Variants in PSMD3 observed in about 807,000 individuals in gnomAD.
PSMD3 encodes 26S proteasome non-ATPase regulatory subunit 3.
A neutral mutation model predicts 62.8 loss-of-function variants in PSMD3; 5 were observed. That is an observed-to-expected ratio of 0.08 (90% CI 0.04 to 0.17). The LOEUF is 0.17. Ranked by LOEUF, PSMD3 falls within the 10% of genes least tolerant of loss-of-function variation. PSMD3 has a pLI of 1.00. For missense variants in PSMD3, 524 were observed against 713.6 expected, an observed-to-expected ratio of 0.73 and a Z score of 3.03; for synonymous variants, 265 against 283.9, an observed-to-expected ratio of 0.93 and a Z score of 0.67.
At chr17:39,990,362 C>G (rs1057445612) in intron 6 of PSMD3, among the ~76,000 whole-genome samples, 165 bp downstream of exon 6, 7 of 152,094 alleles carry the variant, frequency 4.6e-5, no homozygotes, top group African/African-American at 1.7e-4. Context: ...CATGCCTGGC[C>G]CCTTTGCCTG....
Position 39,981,190 on chromosome 17 carries a change from G to A in PSMD3, c.220G>A (p.Asp74Asn), listed in dbSNP as rs1432475361. 6.5e-7 allele frequency: 1 copy of A among 1,550,346 alleles called. No homozygotes were observed. The highest frequency in any genetic ancestry group is 8.7e-7 in the Non-Finnish European group (1 of 1,146,732). ...QRELDTVTLE[D>N]IKEHVKQLEK... ...AGAGCTGGACACAGTCACCTTGGAG[G>A]GTACGGCAGCCCAGGCCGGGAACGT... The change falls in exon 1 of 12, where the codon GAC becomes AAC. Residue 74 changes from aspartate (D) to asparagine (N), a missense_variant and splice_region_variant. Asp to Asn is a conservative substitution (Grantham distance 23, BLOSUM62 1). Transcript: ENST00000264639.
chr17:39,991,796 T>A (rs1980660588), intron 6 of PSMD3, among the ~76,000 whole-genome samples: 1 of 152,030 alleles, frequency 6.6e-6, no homozygotes, highest in Admixed American at 6.6e-5. Context: ...TCCTAGCACT[T>A]TGGGAGGCTG....
chr17:39,984,214 A>G (rs1980464000), intron 1 of PSMD3, 80 bp from the exon 2 acceptor site: 1 of 833,354 alleles, frequency 1.2e-6, no homozygotes, highest in East Asian at 3.3e-5. Flanking sequence ...AAAAAAAAAA[A>G]AAAAAAAAGA....
chr17:39,995,798 G>A lies in PSMD3; in HGVS notation c.1320+271G>A, dbSNP rs533252359. On this transcript the variant is annotated intron_variant, in intron 9 of 11. Transcript: ENST00000264639. The surrounding 1 kb of genome is among the most constrained non-coding windows in gnomAD (Gnocchi z 4.1). ...TATAAGGAGGGCAGAGGAATGGGAT[G>A]GAACAAGATGTTCTCTGACTTAGAA... is the stretch of plus-strand genomic sequence containing the variant. 6 of 520,834 alleles carry A rather than the reference G, an allele frequency of 1.2e-5. No homozygotes were observed. In the East Asian group the frequency reaches 1.8e-4, roughly 15 times the overall value. 32.3% of individuals were successfully genotyped at this position (520,834 alleles called of 1,614,324 possible).
chr17:39,997,167 A>T (rs1980803627), intron 10 of PSMD3, among the ~76,000 whole-genome samples, 163 bp from the exon 11 acceptor site: 1 of 152,110 alleles, frequency 6.6e-6, no homozygotes. Flanking sequence ...AGGGCACTGT[A>T]ATAATTCCTT....
intron 3 of PSMD3, 124 bp downstream of exon 3, chr17:39,986,836 T>C: frequency 1.5e-6 from 2 of 1,305,050 alleles, no homozygotes; most frequent in Non-Finnish European, 2.1e-6. Context: ...CCCCACACTC[T>C]TTCCCCATAG....
At chr17:39,990,040 G>T in intron 5 of PSMD3, 54 bp from the exon 6 acceptor site, 11 of 1,595,994 alleles carry the variant, frequency 6.9e-6, no homozygotes, top group South Asian at 1.1e-5. Context: ...GCTTGTCGGT[G>T]GGGAGTTGGA....
rs376005242 is a variant in PSMD3, at chr17:39,995,560, T to C, written c.1320+33T>C. 9.5e-6 allele frequency: 15 copies of C among 1,576,604 alleles called. No homozygotes were observed. In the African/African-American group the frequency reaches 2.0e-4, roughly 21 times the overall value. On this transcript the variant is annotated intron_variant, in intron 9 of 11. Coordinates refer to ENST00000264639, the MANE Select transcript of PSMD3 (RefSeq NM_002809.4). The surrounding 1 kb of genome is among the most constrained non-coding windows in gnomAD (Gnocchi z 4.1). The stretch of plus-strand genomic sequence containing the variant: ...TGGTTCAGGAACCACAGTGACCAGG[T>C]TGTCACTTTCCTGCCAATCTCAGGA...
rs1410743851 is a variant in PSMD3 at position 39,997,566 on chromosome 17, T to C, written c.1590T>C (p.Asp530=). The C allele has an allele frequency of 1.2e-6, 2 of 1,605,220 alleles. No individual in the cohort carries two copies. The highest frequency in any genetic ancestry group is 1.7e-6 in the Non-Finnish European group (2 of 1,175,296). Residue 530 remains aspartate, a synonymous_variant, in exon 12 of 12, where the codon GAT becomes GAC. Coordinates refer to ENST00000264639, the MANE Select transcript of PSMD3 (RefSeq NM_002809.4). ...CCAAGGAGATGGCAGAAGATGATGA[T>C]GACAGCTTCCCTTGAGCTGGGGGGC... ...EFAKEMAEDD[D]DSFP is the part of the protein sequence containing the mutation.
chr17:39,994,633 C>T (rs775313123), intron 6 of PSMD3: 14 of 348,224 alleles, frequency 4.0e-5, no homozygotes, highest in Non-Finnish European at 7.1e-5. Context: ...GTTGCTGAGC[C>T]ACAGCACCCG....
chr17:39,987,877 G>A (rs541914420), intron 3 of PSMD3, among the ~76,000 whole-genome samples: 1 of 152,342 alleles, frequency 6.6e-6, no homozygotes, highest in East Asian at 1.9e-4. Context: ...GGAGGCCAAG[G>A]CAGGCAGATC....
chr17:39,992,512 C>G (rs575031412), intron 6 of PSMD3, among the ~76,000 whole-genome samples: 1 of 152,324 alleles, frequency 6.6e-6, no homozygotes, highest in Middle Eastern at 3.4e-3. Flanking sequence ...GCTGGTGGCA[C>G]AGAGCGCTCT....
At chr17:39,993,896 T>G (rs928002310) in intron 6 of PSMD3, 7 of 152,162 alleles carry the variant, frequency 4.6e-5, no homozygotes, top group Non-Finnish European at 7.3e-5. Flanking sequence ...AGCTAGTGAA[T>G]AGAGACTAGA....
Position 39,995,954 on chromosome 17 carries a change from A to G in PSMD3, c.1321-229A>G, listed in dbSNP as rs913130847. The stretch of plus-strand genomic sequence containing the variant: ...GCCAACTTGGCGAAACCCCATCTCT[A>G]CTGAAAATACAAAAATTAGCCAGGC... On this transcript the variant is annotated intron_variant, in intron 9 of 11. Transcript: ENST00000264639. The surrounding 1 kb of genome is among the most constrained non-coding windows in gnomAD (Gnocchi z 4.1). The G allele has an allele frequency of 3.7e-6, 2 of 545,154 alleles. No homozygotes were observed. Among genetic ancestry groups the G allele is most frequent in the Admixed American group, 3.1e-5 (1 of 31,760 alleles). 33.8% of individuals were successfully genotyped at this position (545,154 alleles called of 1,614,324 possible).
chr17:39,986,448 A>T, intron 2 of PSMD3, 127 bp from the exon 3 acceptor site: 4 of 1,158,052 alleles, frequency 3.5e-6, no homozygotes, highest in Non-Finnish European at 5.0e-6. Context: ...TATCCCTAGC[A>T]CCTAACAAAA....
intron 3 of PSMD3, among the ~76,000 whole-genome samples, chr17:39,987,648 C>T (rs1305911891): frequency 6.6e-6 from 1 of 152,086 alleles, no homozygotes; most frequent in African/African-American, 2.4e-5. Context: ...GCGCCTGGCC[C>T]ACTGTTTTGT....
At chr17:39,981,903 C>T (rs1598310708) in intron 1 of PSMD3, among the ~76,000 whole-genome samples, 1 of 152,128 alleles carries the variant, frequency 6.6e-6, no homozygotes, top group East Asian at 1.9e-4. Context: ...TCCGAGGTTC[C>T]TGTTTCGAGT....
At chr17:39,982,547 T>A (rs1381346583) in intron 1 of PSMD3, among the ~76,000 whole-genome samples, 1 of 152,258 alleles carries the variant, frequency 6.6e-6, no homozygotes, top group Non-Finnish European at 1.5e-5. Flanking sequence ...CCAGAAACAT[T>A]TATTGAATAC....
intron 6 of PSMD3, among the ~76,000 whole-genome samples, chr17:39,990,952 GATA>G (rs1217627376): frequency 2.0e-5 from 3 of 152,184 alleles, no homozygotes; most frequent in South Asian, 2.1e-4. Context: ...AGGAAGGGAG[GATA>G]ATAAGTGATC....
Sources: allele counts gnomAD v4.1 joint callset (sites outside exome capture counted in the v4.1 genomes callset), GRCh38; gene constraint gnomAD v4.1.1; non-coding constraint Gnocchi (gnomAD v3.1); transcripts MANE v1.5; gene names NCBI Gene and HGNC (gene_info 2026-07-23, HGNC 2026-07-21).